FER1L6: variants seen among roughly 807,000 people sequenced by gnomAD.
FER1L6 encodes the protein fer-1-like protein 6.
In FER1L6, 177 loss-of-function variants were observed where a neutral mutation model predicts 219.2. That is an observed-to-expected ratio of 0.81 (90% confidence interval 0.71 to 0.91). FER1L6 has a LOEUF of 0.91. Ranked by LOEUF, FER1L6 falls within the 40% of genes least tolerant of loss-of-function variation. The pLI is 0.00. For synonymous variants in FER1L6, 768 were observed against 824.3 expected (o/e 0.93, Z 1.17); for missense variants, 2,153 against 2,259.9 (o/e 0.95, Z 0.96).
In FER1L6 at chr8:124,049,645, T is replaced by C. The variant is rs1586638272; in HGVS notation, c.2763T>C (p.Pro921=). ...ATTTGGGTGCCACAGTGGCTGCTCC[T>C]GTTGTGAAGCTGGCTGACCAGGACT... ...PEYLGATVAA[P]VVKLADQDYE... Residue 921 remains proline (P), a synonymous_variant, in exon 22 of 41, where the codon CCT becomes CCC. Transcript: ENST00000522917. The C allele has an allele frequency of 2.5e-6, 4 of 1,613,998 alleles. No homozygotes were observed. The highest frequency in any genetic ancestry group is 3.4e-6 in the Non-Finnish European group (4 of 1,179,984).
chr8:123,922,526 G>C (rs746746), intron 1 of FER1L6, among the ~76,000 whole-genome samples: 32,558 of 151,886 alleles, frequency 0.21, 4,000 homozygotes, highest in East Asian at 0.42. Context: ...GCAGCCCATC[G>C]TGAGGGGGAA....
intron 12 of FER1L6, among the ~76,000 whole-genome samples, chr8:124,002,119 G>C (rs961712595): frequency 6.6e-6 from 1 of 152,202 alleles, no homozygotes; most frequent in African/African-American, 2.4e-5. Flanking sequence ...ATCCCCACAC[G>C]AAGCTGTGAG....
intron 33 of FER1L6, among the ~76,000 whole-genome samples, chr8:124,082,835 C>T (rs59645347): frequency 0.035 from 5,288 of 152,222 alleles, 294 homozygotes; most frequent in African/African-American, 0.12. Context: ...CATGTACTTT[C>T]GATAACAAAG....
intron 1 of FER1L6, among the ~76,000 whole-genome samples, chr8:123,921,995 G>A (rs117906078): frequency 0.02 from 3,080 of 152,310 alleles, 48 homozygotes; most frequent in Middle Eastern, 0.048. Flanking sequence ...CAGCATGAGG[G>A]AAGTATGGAA....
At chr8:124,015,169 C>T (rs1818129911) in intron 15 of FER1L6, among the ~76,000 whole-genome samples, 1 of 152,106 alleles carries the variant, frequency 6.6e-6, no homozygotes, top group Non-Finnish European at 1.5e-5. Context: ...TCTCCCATGC[C>T]TAGTCTTGGA....
intron 2 of FER1L6, among the ~76,000 whole-genome samples, chr8:123,959,093 G>A (rs1485531227): frequency 6.6e-6 from 1 of 152,124 alleles, no homozygotes; most frequent in African/African-American, 2.4e-5. Context: ...ACACGGTCTG[G>A]TTTTTATAAG....
intron 6 of FER1L6, 147 bp from the exon 7 acceptor site, chr8:123,973,287 G>A: frequency 1.6e-6 from 1 of 636,600 alleles, no homozygotes; most frequent in Admixed American, 2.7e-5. Context: ...AAATGAAGGT[G>A]TTGAGGGGCT....
chr8:123,963,085 A>G (rs962622044), intron 2 of FER1L6, among the ~76,000 whole-genome samples, 193 bp from the exon 3 acceptor site: 2 of 152,254 alleles, frequency 1.3e-5, no homozygotes, highest in Non-Finnish European at 2.9e-5. Flanking sequence ...CAGAAGATAC[A>G]TAAGTTTTAG....
chr8:124,103,488 A>C (rs1342761695), intron 39 of FER1L6, among the ~76,000 whole-genome samples, 179 bp downstream of exon 39: 2 of 152,216 alleles, frequency 1.3e-5, no homozygotes, highest in Non-Finnish European at 2.9e-5. Context: ...AGACTTAGCT[A>C]TCTATGTTGA....
chr8:123,889,035 G>T (rs1409285908), intron 1 of FER1L6, among the ~76,000 whole-genome samples: 1 of 152,090 alleles, frequency 6.6e-6, no homozygotes, highest in Non-Finnish European at 1.5e-5. Flanking sequence ...TTTTTGTATG[G>T]GTTTTACGTT....
intron 1 of FER1L6, among the ~76,000 whole-genome samples, chr8:123,940,527 G>T (rs192830738): frequency 6.6e-6 from 1 of 152,040 alleles, no homozygotes; most frequent in East Asian, 1.9e-4. Context: ...TAGTAGAGAC[G>T]GGGTTTTGCC....
intron 2 of FER1L6, among the ~76,000 whole-genome samples, chr8:123,961,492 T>C (rs1815273783): frequency 6.6e-6 from 1 of 152,178 alleles, no homozygotes; most frequent in African/African-American, 2.4e-5. Context: ...GTAGACTTTA[T>C]TTTTTATGAA....
At chr8:123,874,049 G>A (rs570332581) in intron 1 of FER1L6, among the ~76,000 whole-genome samples, 1 of 152,084 alleles carries the variant, frequency 6.6e-6, no homozygotes, top group African/African-American at 2.4e-5. Context: ...TCTCCCTTTA[G>A]TGTATTCACC....
chr8:124,085,370 C>A (rs1479466496), intron 33 of FER1L6, among the ~76,000 whole-genome samples: 1 of 151,924 alleles, frequency 6.6e-6, no homozygotes, highest in Non-Finnish European at 1.5e-5. Context: ...TTGCTATAAA[C>A]TTTCTTCTTA....
chr8:123,966,795 A>G (rs1420514359), intron 5 of FER1L6, among the ~76,000 whole-genome samples: 2 of 152,190 alleles, frequency 1.3e-5, no homozygotes, highest in East Asian at 1.9e-4. Context: ...TAAAATAAAA[A>G]TATTGTTGGG....
At chr8:123,867,424 C>A (rs2130269334) in intron 1 of FER1L6, among the ~76,000 whole-genome samples, 1 of 152,216 alleles carries the variant, frequency 6.6e-6, no homozygotes, top group Middle Eastern at 3.4e-3. Context: ...ACAATAATTC[C>A]AGTGCCTGAC....
chr8:123,994,688 C>A (rs564349894), intron 12 of FER1L6, among the ~76,000 whole-genome samples: 1 of 152,318 alleles, frequency 6.6e-6, no homozygotes, highest in Non-Finnish European at 1.5e-5. Context: ...GTGGCTGCAA[C>A]ACGTTTCCCA....
At chr8:124,053,914 C>CATT (rs1278589798) in intron 22 of FER1L6, among the ~76,000 whole-genome samples, 3 of 152,296 alleles carry the variant, frequency 2.0e-5, no homozygotes, top group East Asian at 3.9e-4. Flanking sequence ...AGACTGAATT[C>CATT]ATTATTTTTA....
At chr8:123,932,491 A>C (rs183290360) in intron 1 of FER1L6, among the ~76,000 whole-genome samples, 45 of 152,318 alleles carry the variant, frequency 3.0e-4, no homozygotes, top group African/African-American at 1.1e-3. Context: ...TTTTAATATA[A>C]ATTCATTTGA....
Sources: allele counts gnomAD v4.1 joint callset (sites outside exome capture counted in the v4.1 genomes callset), GRCh38; gene constraint gnomAD v4.1.1; transcripts MANE v1.5; gene names NCBI Gene and HGNC (gene_info 2026-07-23, HGNC 2026-07-21).